SORCS1: variants seen among roughly 807,000 people sequenced by gnomAD.
The protein encoded by SORCS1 is VPS10 domain-containing receptor SorCS1.
Under a neutral mutation model 146.1 loss-of-function variants are expected in SORCS1, and 60 were observed. The observed-to-expected ratio is 0.41, with a 90% CI of 0.33 to 0.51. The LOEUF (loss-of-function observed/expected upper bound fraction) is 0.51. Among genes scored for constraint, SORCS1 ranks in the 20% least tolerant of loss-of-function variants. The probability of loss-of-function intolerance (pLI) is 0.21; values close to 1 mark genes in which losing one functional copy is unlikely to be tolerated. For missense variants in SORCS1, 1,352 were observed against 1,487.6 expected (o/e 0.91, Z 1.50); for synonymous variants, 637 against 584.0 (o/e 1.09, Z -1.31).
At chr10:107,146,641 T>C (rs61449442) in intron 1 of SORCS1, among the ~76,000 whole-genome samples, 2,430 of 152,254 alleles carry the variant, frequency 0.016, 55 homozygotes, top group African/African-American at 0.055. Context: ...GAAGATGATA[T>C]GTCATAGCGT....
rs1412384741 is a variant in SORCS1 at position 106,784,797 on chromosome 10, C to T, written c.727-8105G>A. On this transcript the variant is annotated intron_variant, in intron 3 of 25. Coordinates refer to ENST00000263054, the MANE Select transcript of SORCS1 (RefSeq NM_052918.5). ...TTCCACAAGAAATGATAAAGAAACACAGGTGAGAAGGAAGAGAGAGCAGGA... is the reference window on the plus strand; with the variant it reads ...TTCCACAAGAAATGATAAAGAAACATAGGTGAGAAGGAAGAGAGAGCAGGA... Among the ~76,000 whole-genome samples, 22 of 152,132 alleles carry T rather than the reference C, an allele frequency of 1.4e-4. 1 individual carries two copies. Among genetic ancestry groups the T allele is most frequent in the Admixed American group, 1.4e-3 (22 of 15,280 alleles).
At chr10:107,108,712 C>T (rs1342829016) in intron 1 of SORCS1, among the ~76,000 whole-genome samples, 2 of 152,100 alleles carry the variant, frequency 1.3e-5, no homozygotes, top group African/African-American at 2.4e-5. Context: ...TCACAACAGT[C>T]CCCCCGTCTT....
At chr10:106,615,854 C>T (rs1847325607) in intron 21 of SORCS1, among the ~76,000 whole-genome samples, 1 of 152,096 alleles carries the variant, frequency 6.6e-6, no homozygotes, top group Non-Finnish European at 1.5e-5. Context: ...AAGAAGCAAG[C>T]ATAGCAAGGC....
At position 107,083,292 on chromosome 10, in the gene SORCS1, C is replaced by T. The variant is rs1015887922; in HGVS notation, c.558+80677G>A. Among the ~76,000 whole-genome samples, 3 of 152,030 alleles carry T rather than the reference C, an allele frequency of 2.0e-5. 1 individual carries two copies. Among genetic ancestry groups the T allele is most frequent in the Admixed American group, 2.0e-4 (3 of 15,268 alleles). On this transcript the variant is annotated intron_variant, in intron 1 of 25. Coordinates refer to ENST00000263054, the MANE Select transcript of SORCS1 (RefSeq NM_052918.5). Reference sequence around the variant, plus strand: ...GCAGATTTGAAAGGAAGAATAAAATCTAAAGCAACATCCTATGAGGTAAAA... The same window carrying T: ...GCAGATTTGAAAGGAAGAATAAAATTTAAAGCAACATCCTATGAGGTAAAA...
At chr10:107,103,957 A>C (rs1965126193) in intron 1 of SORCS1, among the ~76,000 whole-genome samples, 1 of 152,248 alleles carries the variant, frequency 6.6e-6, no homozygotes, top group Non-Finnish European at 1.5e-5. Flanking sequence ...CTATTTGGAC[A>C]AAAGATTGCA....
intron 24 of SORCS1, among the ~76,000 whole-genome samples, chr10:106,582,064 G>A (rs1227636509): frequency 6.6e-6 from 1 of 152,008 alleles, no homozygotes. Context: ...GGAAAACTGA[G>A]AGAAAATTAC....
At chr10:106,950,591 G>A (rs777327337) in intron 2 of SORCS1, among the ~76,000 whole-genome samples, 2 of 151,944 alleles carry the variant, frequency 1.3e-5, no homozygotes, top group Admixed American at 6.6e-5. Context: ...GTGTTTGTAC[G>A]TGTGTGTGTC....
chr10:106,637,508 G>A (rs1420667770), intron 18 of SORCS1, among the ~76,000 whole-genome samples: 2 of 152,150 alleles, frequency 1.3e-5, no homozygotes, highest in African/African-American at 2.4e-5. Flanking sequence ...TTCTCCAAAT[G>A]TGCAGACCTC....
chr10:106,898,142 A>G (rs1951557371), intron 2 of SORCS1, among the ~76,000 whole-genome samples: 1 of 152,226 alleles, frequency 6.6e-6, no homozygotes, highest in Admixed American at 6.5e-5. Context: ...TCTTAGGGCA[A>G]TGTGAAATCC....
chr10:106,776,321 T>C (rs1251559739), intron 4 of SORCS1, among the ~76,000 whole-genome samples: 1 of 152,184 alleles, frequency 6.6e-6, no homozygotes, highest in African/African-American at 2.4e-5. Flanking sequence ...TTAGTACACC[T>C]AATCTTTATT....
intron 22 of SORCS1, among the ~76,000 whole-genome samples, chr10:106,608,451 T>C (rs1846754640): frequency 6.6e-6 from 1 of 151,200 alleles, no homozygotes; most frequent in South Asian, 2.1e-4. Context: ...CTGTGCTGCA[T>C]TTTTTTTTGA....
At position 107,019,242 on chromosome 10, in the gene SORCS1, A is replaced by G. The variant is rs537701125; in HGVS notation, c.559-62662T>C. Among the ~76,000 whole-genome samples the G allele has an allele frequency of 5.3e-5, 8 of 152,322 alleles. 1 individual carries two copies. The South Asian group carries it at 1.7e-3, about 32-fold the overall frequency. ...AAAATAAACATTTTTGAAAAATCAG[A>G]TGTCATAAACATTGCTTTTCAAGTT... On this transcript the variant is annotated intron_variant, in intron 1 of 25. Transcript: ENST00000263054.
At chr10:106,671,480 G>A in intron 15 of SORCS1, 113 bp from the exon 16 acceptor site, 1 of 1,448,076 alleles carries the variant, frequency 6.9e-7, no homozygotes, top group Non-Finnish European at 9.4e-7. Context: ...GTAAACTTTG[G>A]TAGCCCTCTT....
At chr10:106,947,342 A>G (rs188510538) in intron 2 of SORCS1, among the ~76,000 whole-genome samples, 1 of 152,310 alleles carries the variant, frequency 6.6e-6, no homozygotes, top group Admixed American at 6.5e-5. Flanking sequence ...AAGTAAAAGG[A>G]TATGTTTACA....
chr10:107,079,611 G>A (rs1476877702), intron 1 of SORCS1, among the ~76,000 whole-genome samples: 3 of 152,190 alleles, frequency 2.0e-5, no homozygotes, highest in Non-Finnish European at 2.9e-5. Context: ...TGGGATGTCA[G>A]CTAATTAACC....
At chr10:106,756,145 A>G (rs996359684) in intron 5 of SORCS1, among the ~76,000 whole-genome samples, 2 of 152,106 alleles carry the variant, frequency 1.3e-5, no homozygotes, top group African/African-American at 4.8e-5. Flanking sequence ...AAAAATAAAT[A>G]AAATAAGTAA....
intron 2 of SORCS1, among the ~76,000 whole-genome samples, chr10:106,879,700 G>C (rs944279083): frequency 2.0e-5 from 3 of 152,224 alleles, no homozygotes; most frequent in African/African-American, 7.2e-5. Context: ...GATGGAGAGG[G>C]CCAAGTGAGG....
At chr10:106,894,710 T>C (rs1427673586) in intron 2 of SORCS1, among the ~76,000 whole-genome samples, 1 of 152,194 alleles carries the variant, frequency 6.6e-6, no homozygotes, top group African/African-American at 2.4e-5. Context: ...TTTAGGTACA[T>C]GTAGTACCAG....
chr10:106,577,631 T>C, intron 25 of SORCS1, 76 bp from the exon 26 acceptor site: 1 of 1,585,274 alleles, frequency 6.3e-7, no homozygotes, highest in Non-Finnish European at 8.6e-7. Flanking sequence ...TGCAATGTGC[T>C]GCGATATCTT....
Sources: gnomAD v4.1 joint callset for allele counts (sites outside exome capture counted in the v4.1 genomes callset) on GRCh38, gnomAD v4.1.1 for gene constraint, MANE v1.5 for transcripts, NCBI Gene and HGNC (gene_info 2026-07-23, HGNC 2026-07-21) for gene names.